Variants in SLC39A11 observed in about 807,000 individuals in gnomAD.
The protein encoded by SLC39A11 is zinc transporter ZIP11.
Under a neutral mutation model 36.1 loss-of-function variants are expected in SLC39A11, and 33 were observed. The ratio of observed to expected loss-of-function variants is 0.91; its 90% CI spans 0.69 to 1.22. The LOEUF is 1.22. SLC39A11 is among the 50% of genes most tolerant of loss of function. SLC39A11 has a pLI of 0.00. For synonymous variants in SLC39A11, 166 were observed against 170.3 expected, an observed-to-expected ratio of 0.97 and a Z score of 0.20; for missense variants, 432 against 430.3, an observed-to-expected ratio of 1.00 and a Z score of -0.03.
At chr17:72,721,795 C>T (rs530138519) in intron 7 of SLC39A11, among the ~76,000 whole-genome samples, 1 of 152,086 alleles carries the variant, frequency 6.6e-6, no homozygotes, top group East Asian at 1.9e-4. Flanking sequence ...CATGGCAAAA[C>T]CCCATCTCTA....
At chr17:73,087,069 C>T (rs58909715) in intron 2 of SLC39A11, among the ~76,000 whole-genome samples, 1 of 150,856 alleles carries the variant, frequency 6.6e-6, no homozygotes, top group Admixed American at 6.6e-5. Flanking sequence ...AAAAAAAAAA[C>T]AAACAAAAAC....
chr17:72,824,573 C>T (rs1012696524), intron 6 of SLC39A11, among the ~76,000 whole-genome samples: 3 of 151,194 alleles, frequency 2.0e-5, no homozygotes, highest in Admixed American at 6.6e-5. Flanking sequence ...TAAAGGAAGA[C>T]AGGAAGATGA....
chr17:72,809,199 T>TTCTCTCTCTCTC lies in SLC39A11; in HGVS notation c.601+40423_601+40434dup, dbSNP rs66472539. Among the ~76,000 whole-genome samples, 562 of 102,294 alleles carry TTCTCTCTCTCTC rather than the reference T, an allele frequency of 5.5e-3. 2 individuals are homozygous for TTCTCTCTCTCTC. The highest frequency in any genetic ancestry group is 0.023 in the Middle Eastern group (4 of 176). 67.1% of individuals were successfully genotyped at this position (102,294 alleles called of 152,430 possible). A position where few individuals can be genotyped will look rare whatever the true frequency, so the allele number is the denominator to read the frequency against. On this transcript the variant is annotated intron_variant, in intron 6 of 9. Transcript: ENST00000255559. The stretch of plus-strand genomic sequence containing the variant: ...GCTTAGATCATCTTCTTTCTTTTCT[T>TTCTCTCTCTCTC]TCTCTCTCTCTCTCTCTCTCTCTCT...
chr17:72,659,818 C>T (rs574747193), intron 7 of SLC39A11, among the ~76,000 whole-genome samples: 16 of 152,060 alleles, frequency 1.1e-4, no homozygotes, highest in Non-Finnish European at 2.4e-4. Flanking sequence ...CCAGGCTGGT[C>T]TCAAACTCCT....
Position 72,900,152 on chromosome 17 carries a change from G to GA in SLC39A11, c.430+47599dup, listed in dbSNP as rs1326211902. On this transcript the variant is annotated intron_variant, in intron 5 of 9. Coordinates refer to ENST00000255559, the MANE Select transcript of SLC39A11 (RefSeq NM_139177.4). ...AAAGAAAGAAAGAAAAAGAAAGAAA[G>GA]AAAAGAAAGAAAGAAAGAAAGAAAG... is the stretch of plus-strand genomic sequence containing the variant. Among the ~76,000 whole-genome samples, 319 of 38,770 alleles carry GA rather than the reference G, an allele frequency of 8.2e-3. 44 individuals carry two copies. Among genetic ancestry groups the GA allele is most frequent in the African/African-American group, 0.033 (308 of 9,238 alleles). The allele number at this position is 38,770 out of a possible 152,430, so 25.4% of individuals were successfully genotyped here. A position where few individuals can be genotyped will look rare whatever the true frequency, so the allele number is the denominator to read the frequency against.
rs2060039484 is a variant in SLC39A11 at position 73,067,762 on chromosome 17, A to G, written c.147+17046T>C. 4.3e-6 allele frequency: 4 copies of G among 939,274 alleles called. No homozygotes were observed. In the Admixed American group the frequency reaches 6.0e-5, roughly 14 times the overall value. The allele number at this position is 939,274 out of a possible 1,614,324, so 58.2% of individuals were successfully genotyped here. On this transcript the variant is annotated intron_variant, in intron 3 of 9. Transcript: ENST00000255559. ...ATAAACATAGAGTAGACACGTACTG[A>G]ATAGATCACATCTGTTAAGTCTCTT...
At chr17:73,027,804 C>T (rs557311545) in intron 4 of SLC39A11, among the ~76,000 whole-genome samples, 7 of 152,296 alleles carry the variant, frequency 4.6e-5, no homozygotes, top group Non-Finnish European at 8.8e-5. Context: ...TGAATGGTCA[C>T]GGGCAAGGGT....
intron 7 of SLC39A11, among the ~76,000 whole-genome samples, chr17:72,731,487 T>C (rs1227276230): frequency 6.6e-6 from 1 of 152,170 alleles, no homozygotes; most frequent in Non-Finnish European, 1.5e-5. Flanking sequence ...TTATTATAAA[T>C]CTATCCATTA....
intron 4 of SLC39A11, among the ~76,000 whole-genome samples, chr17:72,960,812 AAAAC>A (rs991981936): frequency 2.3e-4 from 35 of 151,956 alleles, no homozygotes; most frequent in East Asian, 5.8e-4. Context: ...CTTGTCTCAA[AAAAC>A]AAACAAACAA....
rs369169261 is a variant in SLC39A11, at chr17:72,927,807, T to TAC, written c.430+19943_430+19944dup. On this transcript the variant is annotated intron_variant, in intron 5 of 9. Transcript: ENST00000255559. Reference sequence around the variant, plus strand: ...TCAGTTCTATTGAGAAGGAAATGTATACACACACACACACATACACACACA... The same window carrying TAC: ...TCAGTTCTATTGAGAAGGAAATGTATACACACACACACACACATACACACACA... Among the ~76,000 whole-genome samples the TAC allele has an allele frequency of 6.9e-3, 1,036 of 151,144 alleles. 7 individuals are homozygous for TAC. The highest frequency in any genetic ancestry group is 0.023 in the African/African-American group (949 of 41,208).
At chr17:72,689,247 G>T (rs1421829658) in intron 7 of SLC39A11, among the ~76,000 whole-genome samples, 1 of 152,170 alleles carries the variant, frequency 6.6e-6, no homozygotes, top group Admixed American at 6.5e-5. Flanking sequence ...TCTCACCTCC[G>T]CTCACTCTCC....
chr17:72,962,432 C>T (rs1295143265), intron 4 of SLC39A11, among the ~76,000 whole-genome samples: 5 of 152,166 alleles, frequency 3.3e-5, no homozygotes, highest in South Asian at 2.1e-4. Context: ...GTAAGAATTA[C>T]GTTTCTTGCA....
chr17:72,864,047 A>C (rs1447081555), intron 5 of SLC39A11, among the ~76,000 whole-genome samples: 1 of 152,196 alleles, frequency 6.6e-6, no homozygotes, highest in East Asian at 1.9e-4. Flanking sequence ...GCAACCCAAG[A>C]CGCCTAGGTT....
At chr17:72,935,981 G>C (rs1471374375) in intron 5 of SLC39A11, among the ~76,000 whole-genome samples, 2 of 151,914 alleles carry the variant, frequency 1.3e-5, no homozygotes, top group East Asian at 3.9e-4. Context: ...GGGATCGCTT[G>C]AGCTAAGGAG....
rs550348850 is a variant in SLC39A11, at chr17:72,828,092, A to G, written c.601+21542T>C. Among the ~76,000 whole-genome samples the G allele has an allele frequency of 2.2e-4, 34 of 152,360 alleles. 1 individual carries two copies. The South Asian group carries it at 6.6e-3, about 30-fold the overall frequency. On this transcript the variant is annotated intron_variant, in intron 6 of 9. Coordinates refer to ENST00000255559, the MANE Select transcript of SLC39A11 (RefSeq NM_139177.4). ...GTCCTCTGGCCACAACTGTGCCAAA[A>G]TAAAATAATACATGCTATGGTAGGA...
intron 7 of SLC39A11, among the ~76,000 whole-genome samples, chr17:72,717,368 C>A (rs959157167): frequency 2.0e-5 from 3 of 152,044 alleles, no homozygotes; most frequent in Non-Finnish European, 4.4e-5. Context: ...TCTCACAGCC[C>A]TGGAGGCCAG....
At chr17:73,047,820 T>A (rs1480278677) in intron 3 of SLC39A11, among the ~76,000 whole-genome samples, 1 of 150,676 alleles carries the variant, frequency 6.6e-6, no homozygotes, top group Non-Finnish European at 1.5e-5. Flanking sequence ...ATACAAAAAT[T>A]AGCTGGGCGT....
At chr17:72,923,070 T>C in intron 5 of SLC39A11, among the ~76,000 whole-genome samples, 1 of 151,950 alleles carries the variant, frequency 6.6e-6, no homozygotes, top group Non-Finnish European at 1.5e-5. Context: ...TGATTTTATC[T>C]TATCAGTCAG....
chr17:72,759,111 C>CAAT (rs201799463), intron 6 of SLC39A11, among the ~76,000 whole-genome samples: 15,594 of 144,552 alleles, frequency 0.11, 917 homozygotes, highest in African/African-American at 0.17. Context: ...AAAATAATAA[C>CAAT]AATAATAATA....
Sources: allele counts gnomAD v4.1 joint callset (sites outside exome capture counted in the v4.1 genomes callset), GRCh38; gene constraint gnomAD v4.1.1; transcripts MANE v1.5; gene names NCBI Gene and HGNC (gene_info 2026-07-23, HGNC 2026-07-21).